Variants in TSC22D1 observed in about 807,000 individuals in gnomAD.
TSC22D1 encodes the protein TSC22 domain family protein 1.
In TSC22D1, 9 loss-of-function variants were observed where a neutral mutation model predicts 74.2. The observed-to-expected ratio is 0.12, with a 90% CI of 0.07 to 0.21. The LOEUF is 0.21. TSC22D1 is among the 10% of genes least tolerant of loss of function. The pLI, the probability that TSC22D1 is intolerant of heterozygous loss-of-function variation, is 1.00. For missense variants in TSC22D1, 1,427 were observed against 1,304.7 expected (o/e 1.09, Z -1.44); for synonymous variants, 586 against 492.5 (o/e 1.19, Z -2.51).
At chr13:44,532,473 C>G (rs1462818396) in intron 1 of TSC22D1, among the ~76,000 whole-genome samples, 1 of 150,270 alleles carries the variant, frequency 6.7e-6, no homozygotes, top group African/African-American at 2.4e-5. Context: ...CACAGAAGAT[C>G]TACAAAATCT....
At chr13:44,509,717 T>C (rs1468655936) in intron 1 of TSC22D1, among the ~76,000 whole-genome samples, 1 of 151,666 alleles carries the variant, frequency 6.6e-6, no homozygotes, top group African/African-American at 2.4e-5. Context: ...TTTCAAGGAA[T>C]AGGAAAGTTT....
chr13:44,501,569 A>AG (rs1879219452), intron 1 of TSC22D1, among the ~76,000 whole-genome samples: 2 of 148,618 alleles, frequency 1.3e-5, no homozygotes. Flanking sequence ...GGCCGGGTGG[A>AG]GGGGGTAGCG....
At chr13:44,525,795 C>CAAAAAAAAAAAAAAAAAAAAAAAAAA (rs59399056) in intron 1 of TSC22D1, among the ~76,000 whole-genome samples, 5 of 88,552 alleles carry the variant, frequency 5.6e-5, no homozygotes, top group Non-Finnish European at 7.7e-5. Flanking sequence ...TAGCTTTTAA[C>CAAAAAAAAAAAAAAAAAAAAAAAAAA]AAAAAAAAAA....
intron 1 of TSC22D1, among the ~76,000 whole-genome samples, chr13:44,443,705 T>C (rs150101971): frequency 7.6e-4 from 115 of 152,226 alleles, no homozygotes; most frequent in African/African-American, 2.7e-3. Flanking sequence ...ATTGACTGTT[T>C]AAAGCAAAAA....
chr13:44,458,997 T>C (rs1206584720), intron 1 of TSC22D1, among the ~76,000 whole-genome samples: 1 of 152,128 alleles, frequency 6.6e-6, no homozygotes, highest in Non-Finnish European at 1.5e-5. Flanking sequence ...GGAGGATCCC[T>C]AGTGAAACCC....
intron 1 of TSC22D1, among the ~76,000 whole-genome samples, chr13:44,540,706 G>A (rs1464903134): frequency 6.6e-6 from 1 of 152,022 alleles, no homozygotes; most frequent in Non-Finnish European, 1.5e-5. Flanking sequence ...TATAGATGAT[G>A]GCAAAGATAC....
At chr13:44,491,425 G>A (rs1421958118) in intron 1 of TSC22D1, among the ~76,000 whole-genome samples, 1 of 151,500 alleles carries the variant, frequency 6.6e-6, no homozygotes, top group African/African-American at 2.4e-5. Flanking sequence ...GTAGTGGTAG[G>A]CACCTGTAGT....
At chr13:44,460,476 A>T (rs779890181) in intron 1 of TSC22D1, among the ~76,000 whole-genome samples, 64 of 152,272 alleles carry the variant, frequency 4.2e-4, no homozygotes, top group Admixed American at 1.3e-3. Context: ...TCCCTATGAC[A>T]TGATGAATTA....
intron 1 of TSC22D1, among the ~76,000 whole-genome samples, chr13:44,551,568 G>A (rs1332446389): frequency 6.6e-6 from 1 of 152,054 alleles, no homozygotes; most frequent in Non-Finnish European, 1.5e-5. Context: ...TTACATAAGC[G>A]TGCCACCACG....
rs757726882 is a variant in TSC22D1 at position 44,517,766 on chromosome 13, T to TACATATATACACAC, written c.2912+55396_2912+55397insGTGTGTATATATGT. On this transcript the variant is annotated intron_variant, in intron 1 of 2. Coordinates refer to ENST00000458659, the MANE Select transcript of TSC22D1 (RefSeq NM_183422.4). ...ATATACGTATATATGTGTGTGTGTA[T>TACATATATACACAC]ATATATATATACACATATATATACA... 7.0e-5 allele frequency among the ~76,000 whole-genome samples: 9 copies of TACATATATACACAC among 128,482 alleles called. No individual in the cohort carries two copies. In the East Asian group the frequency reaches 8.5e-4, roughly 12 times the overall value. The allele number at this position is 128,482 out of a possible 152,430, so 84.3% of individuals were successfully genotyped here.
At chr13:44,506,512 A>G (rs893278038) in intron 1 of TSC22D1, among the ~76,000 whole-genome samples, 1 of 152,170 alleles carries the variant, frequency 6.6e-6, no homozygotes, top group African/African-American at 2.4e-5. Flanking sequence ...CATCAGGAAG[A>G]ATAGCTAATG....
intron 1 of TSC22D1, chr13:44,437,019 T>TCGTGGGGTGGGCTGGCCTGG (rs1378344354): frequency 5.0e-4 from 487 of 969,642 alleles, no homozygotes; most frequent in Non-Finnish European, 5.6e-4. Context: ...CAGATCCCGC[T>TCGTGGGGTGGGCTGGCCTGG]CGTGGGGTGG....
chr13:44,523,295 G>A (rs887332850), intron 1 of TSC22D1, among the ~76,000 whole-genome samples: 3 of 152,134 alleles, frequency 2.0e-5, no homozygotes, highest in African/African-American at 7.2e-5. Context: ...GCACACACAG[G>A]TATTTTCCCA....
At chr13:44,573,001 C>T (rs1883875171) in intron 1 of TSC22D1, among the ~76,000 whole-genome samples, 162 bp downstream of exon 1, 1 of 152,158 alleles carries the variant, frequency 6.6e-6, no homozygotes, top group Non-Finnish European at 1.5e-5. Context: ...CCTCTGAAAC[C>T]ATTCCATAAC....
At chr13:44,472,505 C>CT (rs1485662498) in intron 1 of TSC22D1, among the ~76,000 whole-genome samples, 2 of 152,118 alleles carry the variant, frequency 1.3e-5, no homozygotes, top group Non-Finnish European at 2.9e-5. Flanking sequence ...TGAGGACCTG[C>CT]TATGTGTACC....
At chr13:44,476,021 G>C (rs1322386819) in intron 1 of TSC22D1, among the ~76,000 whole-genome samples, 2 of 152,198 alleles carry the variant, frequency 1.3e-5, no homozygotes, top group Non-Finnish European at 2.9e-5. Context: ...AGCTCTGCAT[G>C]AACCATATAA....
intron 1 of TSC22D1, among the ~76,000 whole-genome samples, chr13:44,553,504 G>A (rs1882424834): frequency 6.6e-6 from 1 of 152,118 alleles, no homozygotes; most frequent in Non-Finnish European, 1.5e-5. Flanking sequence ...TCATTCTAAG[G>A]AGATAGTTTT....
intron 1 of TSC22D1, among the ~76,000 whole-genome samples, chr13:44,467,386 AAAAT>A (rs1394290302): frequency 6.6e-6 from 1 of 152,178 alleles, no homozygotes; most frequent in Non-Finnish European, 1.5e-5. Flanking sequence ...AACAAAAACA[AAAAT>A]AAATAAATGG....
chr13:44,453,625 G>A (rs1876335659), intron 1 of TSC22D1, among the ~76,000 whole-genome samples: 1 of 152,174 alleles, frequency 6.6e-6, no homozygotes, highest in Admixed American at 6.5e-5. Flanking sequence ...AGTCGGCTTT[G>A]GTACAGGGCA....
Sources: gnomAD v4.1 joint callset for allele counts (sites outside exome capture counted in the v4.1 genomes callset) on GRCh38, gnomAD v4.1.1 for gene constraint, MANE v1.5 for transcripts, NCBI Gene and HGNC (gene_info 2026-07-23, HGNC 2026-07-21) for gene names.